RLN2: variants seen among roughly 807,000 people sequenced by gnomAD.
The protein encoded by RLN2 is prorelaxin H2.
Under a neutral mutation model 7.3 loss-of-function variants are expected in RLN2, and 10 were observed. The ratio of observed to expected loss-of-function variants is 1.36; its 90% CI spans 0.84 to 2.31. The LOEUF is 2.31. Among genes scored for constraint, RLN2 ranks in the 30% most tolerant of loss-of-function variants. RLN2 has a pLI of 0.00. For synonymous variants in RLN2, 103 were observed against 82.3 expected (o/e 1.25, Z -1.36); for missense variants, 298 against 217.6 (o/e 1.37, Z -2.32).
At chr9:5,329,309 C>CAAA in the RLN2 span, among the ~76,000 whole-genome samples, 488 of 53,100 alleles carry the variant, frequency 9.2e-3, 27 homozygotes, top group African/African-American at 0.023. Flanking sequence ...GACTCCATCT[C>CAAA]AAAAAAAAAA....
At chr9:5,310,254 G>C in the RLN2 span, among the ~76,000 whole-genome samples, 2 of 151,982 alleles carry the variant, frequency 1.3e-5, no homozygotes, top group African/African-American at 4.8e-5. Context: ...GAGCAGGTTA[G>C]CTGCTTTAGC....
the RLN2 span, among the ~76,000 whole-genome samples, chr9:5,320,820 G>C: frequency 5.9e-5 from 9 of 152,086 alleles, no homozygotes; most frequent in Non-Finnish European, 1.2e-4. Flanking sequence ...AGATAGTTCT[G>C]TCTTCTAGCT....
At chr9:5,323,268 A>G in the RLN2 span, among the ~76,000 whole-genome samples, 1 of 151,884 alleles carries the variant, frequency 6.6e-6, no homozygotes, top group Non-Finnish European at 1.5e-5. Flanking sequence ...TGCATATGTG[A>G]GTAATTAAAT....
chr9:5,318,085 T>A, the RLN2 span, among the ~76,000 whole-genome samples: 1 of 151,972 alleles, frequency 6.6e-6, no homozygotes, highest in East Asian at 1.9e-4. Flanking sequence ...TTGGCCAGGC[T>A]GGTCTCAAAC....
chr9:5,302,046 A>C (rs1816157928), intron 1 of RLN2, among the ~76,000 whole-genome samples: 1 of 152,202 alleles, frequency 6.6e-6, no homozygotes, highest in African/African-American at 2.4e-5. Context: ...TTGGGGCCTT[A>C]TTAAATACTG....
chr9:5,319,183 A>G, the RLN2 span, among the ~76,000 whole-genome samples: 51,269 of 151,748 alleles, frequency 0.34, 9,745 homozygotes, highest in Non-Finnish European at 0.42. Flanking sequence ...TTGGGAAGTG[A>G]AAGTTTCAAA....
upstream of RLN2, among the ~76,000 whole-genome samples, chr9:5,307,319 G>C (rs983188459): frequency 1.3e-5 from 2 of 151,440 alleles, no homozygotes; most frequent in African/African-American, 2.4e-5. Flanking sequence ...ATGATAGATA[G>C]ATAGTGTGTG....
chr9:5,315,715 A>G, the RLN2 span, among the ~76,000 whole-genome samples: 1 of 152,082 alleles, frequency 6.6e-6, no homozygotes, highest in Non-Finnish European at 1.5e-5. Flanking sequence ...GCATCAAATC[A>G]TATATGAGAG....
chr9:5,309,614 A>C (rs1011408286), upstream of RLN2, among the ~76,000 whole-genome samples: 1 of 152,012 alleles, frequency 6.6e-6, no homozygotes, highest in African/African-American at 2.4e-5. Context: ...TCAAGCATCA[A>C]CTACATGATG....
chr9:5,300,074 G>C lies in RLN2; in HGVS notation c.*24C>G. 7.2e-7 allele frequency: 1 copy of C among 1,398,042 alleles called. No individual in the cohort carries two copies. The highest frequency in any genetic ancestry group is 9.9e-7 in the Non-Finnish European group (1 of 1,006,512). The allele number at this position is 1,398,042 out of a possible 1,614,324, so 86.6% of individuals were successfully genotyped here. A position where few individuals can be genotyped will look rare whatever the true frequency, so the allele number is the denominator to read the frequency against. The stretch of plus-strand genomic sequence containing the variant: ...TTAAGAATATGTGTGAATATTATAC[G>C]AGATGTGCACAATTAGCTTCATCTC... On this transcript the variant is annotated 3_prime_UTR_variant, in exon 2 of 2. Transcript: ENST00000381627.
At chr9:5,316,687 C>G in the RLN2 span, among the ~76,000 whole-genome samples, 1 of 151,942 alleles carries the variant, frequency 6.6e-6, no homozygotes, top group Non-Finnish European at 1.5e-5. Flanking sequence ...TTTATCCAGT[C>G]TATCATGGGT....
chr9:5,302,703 C>A (rs866989925), intron 1 of RLN2, among the ~76,000 whole-genome samples: 1 of 152,122 alleles, frequency 6.6e-6, no homozygotes, highest in Non-Finnish European at 1.5e-5. Context: ...TTTTCAGCAA[C>A]AATTTAGAAA....
At chr9:5,317,261 A>C in the RLN2 span, among the ~76,000 whole-genome samples, 2 of 152,006 alleles carry the variant, frequency 1.3e-5, no homozygotes, top group African/African-American at 4.8e-5. Flanking sequence ...CAATCAAAAT[A>C]CATAAAGTGG....
the RLN2 span, chr9:5,311,663 G>A: frequency 1.0e-5 from 14 of 1,347,434 alleles, no homozygotes; most frequent in Admixed American, 1.7e-5. Flanking sequence ...AGAAAATGGA[G>A]ACGCCAAAAC....
chr9:5,304,631 G>A lies in RLN2; in HGVS notation c.-51C>T. 1.3e-6 allele frequency: 2 copies of A among 1,579,818 alleles called. No individual in the cohort carries two copies. The highest frequency in any genetic ancestry group is 1.7e-6 in the Non-Finnish European group (2 of 1,149,926). ...CGGGACGTTGCAGCCTTTCAGGACT[G>A]CAGCTGCTGTGGCCTACACACCTGG... On this transcript the variant is annotated 5_prime_UTR_variant, in exon 1 of 2. Transcript: ENST00000381627.
chr9:5,314,781 G>A, the RLN2 span, among the ~76,000 whole-genome samples: 1 of 151,964 alleles, frequency 6.6e-6, no homozygotes, highest in Non-Finnish European at 1.5e-5. Context: ...TGTCACACCT[G>A]GCTTCACAGA....
chr9:5,317,994 A>ATGTGTGTGTGTGCG, the RLN2 span, among the ~76,000 whole-genome samples: 68 of 64,744 alleles, frequency 1.1e-3, no homozygotes, highest in East Asian at 0.015. Flanking sequence ...TAACAAAACT[A>ATGTGTGTGTGTGCG]TGTGTGTGTG....
At chr9:5,306,583 T>C (rs543290638), upstream of RLN2, among the ~76,000 whole-genome samples, 4 of 152,134 alleles carry the variant, frequency 2.6e-5, no homozygotes, top group East Asian at 7.7e-4. Flanking sequence ...AGATTCACAG[T>C]CTTTACAGGC....
At chr9:5,327,545 G>C in the RLN2 span, among the ~76,000 whole-genome samples, 8 of 152,190 alleles carry the variant, frequency 5.3e-5, no homozygotes, top group Middle Eastern at 3.4e-3. Flanking sequence ...ACTCTAAAGA[G>C]AGCAGTGGTT....
Sources: gnomAD v4.1 joint callset for allele counts (sites outside exome capture counted in the v4.1 genomes callset) on GRCh38, gnomAD v4.1.1 for gene constraint, MANE v1.5 for transcripts, NCBI Gene and HGNC (gene_info 2026-07-23, HGNC 2026-07-21) for gene names.